RAPGEF4: variants seen among roughly 807,000 people sequenced by gnomAD.
The protein encoded by RAPGEF4 is RAP guanine-nucleotide-exchange factor (GEF) 4.
Under a neutral mutation model 147.9 loss-of-function variants are expected in RAPGEF4, and 66 were observed. The observed-to-expected ratio is 0.45, with a 90% CI of 0.37 to 0.55. The LOEUF (loss-of-function observed/expected upper bound fraction) is 0.55, where lower values mean the gene tolerates loss of function less well. RAPGEF4 is among the 20% of genes least tolerant of loss of function. The pLI, the probability that RAPGEF4 is intolerant of heterozygous loss-of-function variation, is 0.00. For missense variants in RAPGEF4, 1,071 were observed against 1,257.3 expected (o/e 0.85, Z 2.24); for synonymous variants, 419 against 442.7 (o/e 0.95, Z 0.67).
At position 172,996,367 on chromosome 2, in the gene RAPGEF4, G is replaced by A. The variant is rs1253037321; in HGVS notation, c.1491-99G>A. ...CCATGAAAGGTATATGGTTCCCTGG[G>A]ATCTCAAATTAAAAAAAAAAAAAAC... On this transcript the variant is annotated intron_variant, in intron 15 of 30. Coordinates refer to ENST00000397081, the MANE Select transcript of RAPGEF4 (RefSeq NM_007023.4). 2.2e-4 allele frequency: 132 copies of A among 611,050 alleles called. 1 individual carries two copies. The Middle Eastern group carries it at 2.2e-3, about 10-fold the overall frequency. The allele number at this position is 611,050 out of a possible 1,614,324, so 37.9% of individuals were successfully genotyped here.
intron 1 of RAPGEF4, among the ~76,000 whole-genome samples, chr2:172,738,109 T>A (rs552585776): frequency 7.7e-4 from 117 of 152,196 alleles, no homozygotes; most frequent in African/African-American, 2.5e-3. Flanking sequence ...TTATTTATTT[T>A]TTTTAGGAAA....
intron 17 of RAPGEF4, among the ~76,000 whole-genome samples, chr2:173,012,361 G>T (rs184491150): frequency 1.3e-5 from 2 of 152,130 alleles, no homozygotes; most frequent in South Asian, 4.2e-4. Context: ...CATTTATAGG[G>T]GTTGGCATTC....
chr2:172,831,989 T>C (rs192783791), intron 4 of RAPGEF4, among the ~76,000 whole-genome samples: 1 of 152,292 alleles, frequency 6.6e-6, no homozygotes, highest in African/African-American at 2.4e-5. Context: ...AAAATTGGGT[T>C]TGGGTGTTTT....
At chr2:172,916,625 T>C (rs776034580) in intron 4 of RAPGEF4, among the ~76,000 whole-genome samples, 3 of 152,148 alleles carry the variant, frequency 2.0e-5, no homozygotes, top group Non-Finnish European at 4.4e-5. Flanking sequence ...GAAATCATGG[T>C]TTTAATGTTT....
At chr2:172,743,442 C>T (rs182539727) in intron 1 of RAPGEF4, among the ~76,000 whole-genome samples, 15 of 152,286 alleles carry the variant, frequency 9.8e-5, no homozygotes, top group South Asian at 2.1e-4. Flanking sequence ...TCTTTCTTGG[C>T]GCAACTATCT....
At chr2:173,020,513 G>T in intron 22 of RAPGEF4, 105 bp from the exon 23 acceptor site, 2 of 893,594 alleles carry the variant, frequency 2.2e-6, no homozygotes, top group Non-Finnish European at 3.7e-6. Flanking sequence ...GTCACTCTGC[G>T]TGTTCCGGTA....
intron 22 of RAPGEF4, among the ~76,000 whole-genome samples, chr2:173,020,240 T>G (rs1249732125): frequency 6.6e-6 from 1 of 152,170 alleles, no homozygotes; most frequent in Non-Finnish European, 1.5e-5. Flanking sequence ...CTCAGAAACC[T>G]CCAAAGTTTT....
intron 4 of RAPGEF4, among the ~76,000 whole-genome samples, chr2:172,864,642 G>C (rs1003524257): frequency 6.6e-6 from 1 of 152,186 alleles, no homozygotes; most frequent in East Asian, 1.9e-4. Flanking sequence ...AGCGGCTCAC[G>C]CCTGTAATCC....
chr2:172,798,799 A>G (rs971409062), intron 3 of RAPGEF4, among the ~76,000 whole-genome samples: 2 of 152,192 alleles, frequency 1.3e-5, no homozygotes, highest in African/African-American at 2.4e-5. Context: ...TAAGGTGTGC[A>G]TTTGGAATTT....
chr2:172,990,604 G>A (rs1692733502), intron 14 of RAPGEF4, among the ~76,000 whole-genome samples: 1 of 152,156 alleles, frequency 6.6e-6, no homozygotes, highest in African/African-American at 2.4e-5. Context: ...TCTGAAGCTA[G>A]GGTAAAAGCA....
intron 29 of RAPGEF4, among the ~76,000 whole-genome samples, chr2:173,047,776 A>G (rs967785351): frequency 6.6e-6 from 1 of 151,534 alleles, no homozygotes. Flanking sequence ...TCCCAGGTTC[A>G]CGCCATTCTC....
At chr2:172,756,904 A>C (rs1035223929) in intron 1 of RAPGEF4, among the ~76,000 whole-genome samples, 60 of 152,248 alleles carry the variant, frequency 3.9e-4, no homozygotes, top group African/African-American at 1.4e-3. Context: ...TCTTGGAAGT[A>C]ATATTTTCCA....
intron 10 of RAPGEF4, among the ~76,000 whole-genome samples, chr2:172,972,062 A>C (rs1022983985): frequency 4.6e-5 from 7 of 151,616 alleles, no homozygotes; most frequent in Non-Finnish European, 8.8e-5. Flanking sequence ...AAGATGGATT[A>C]AATGACATAA....
chr2:172,797,383 A>G (rs746923450), intron 2 of RAPGEF4, 142 bp from the exon 3 acceptor site: 165 of 603,494 alleles, frequency 2.7e-4, no homozygotes, highest in Middle Eastern at 4.3e-4. Flanking sequence ...AAAACATGTT[A>G]TGTTCCTGTG....
chr2:172,925,080 C>T (rs889722617), intron 6 of RAPGEF4, among the ~76,000 whole-genome samples: 13 of 152,322 alleles, frequency 8.5e-5, no homozygotes, highest in African/African-American at 2.4e-4. Flanking sequence ...TCCCGGCTCA[C>T]GCCATTCTCC....
intron 6 of RAPGEF4, among the ~76,000 whole-genome samples, chr2:172,928,663 G>C (rs1213288262): frequency 6.6e-6 from 1 of 152,130 alleles, no homozygotes; most frequent in African/African-American, 2.4e-5. Flanking sequence ...TTATGAAATA[G>C]AACTTTTTAA....
At chr2:172,967,090 G>C in intron 9 of RAPGEF4, 171 bp from the exon 10 acceptor site, 1 of 627,936 alleles carries the variant, frequency 1.6e-6, no homozygotes, top group South Asian at 2.0e-5. Context: ...GCAGCCCCGA[G>C]GTCATGTCTT....
intron 8 of RAPGEF4, 126 bp from the exon 9 acceptor site, chr2:172,965,436 G>T: frequency 9.1e-7 from 1 of 1,098,684 alleles, no homozygotes; most frequent in East Asian, 2.4e-5. Flanking sequence ...TGCTTTGTTT[G>T]CCATGAGACC....
intron 3 of RAPGEF4, among the ~76,000 whole-genome samples, chr2:172,812,426 T>A (rs1010938835): frequency 1.3e-5 from 2 of 152,120 alleles, no homozygotes; most frequent in African/African-American, 4.8e-5. Flanking sequence ...CAGGTTGAAA[T>A]CTCCTGGGAA....
Sources: allele counts gnomAD v4.1 joint callset (sites outside exome capture counted in the v4.1 genomes callset), GRCh38; gene constraint gnomAD v4.1.1; transcripts MANE v1.5; gene names NCBI Gene and HGNC (gene_info 2026-07-23, HGNC 2026-07-21).